The following SND1 variants were observed in gnomAD, a reference collection of about 807,000 sequenced individuals.
The protein encoded by SND1 is staphylococcal nuclease domain-containing protein 1.
In SND1, 38 loss-of-function variants were observed where a neutral mutation model predicts 121.7. The ratio of observed to expected loss-of-function variants is 0.31; its 90% CI spans 0.24 to 0.41. SND1 has a LOEUF of 0.41. Among genes scored for constraint, SND1 ranks in the 10% least tolerant of loss-of-function variants. SND1 has a pLI of 1.00. For missense variants in SND1, 868 were observed against 1,184.6 expected (o/e 0.73, Z 3.92); for synonymous variants, 401 against 447.4 (o/e 0.90, Z 1.31).
In SND1 at chr7:128,085,063, C is replaced by T. The variant is rs1187791929; in HGVS notation, c.2234+216C>T. On this transcript the variant is annotated intron_variant, in intron 19 of 23. Coordinates refer to ENST00000354725, the MANE Select transcript of SND1 (RefSeq NM_014390.4). This position sits in a 1 kb window ranked among gnomAD's most constrained non-coding sequence, Gnocchi z 4.4. ...CAGTCCAGCCAGACAGAAGTGGCTC[C>T]TTCCTTGTCTCCTGGGGGATTCCAG... Among the ~76,000 whole-genome samples, 4 of 152,174 alleles carry T rather than the reference C, an allele frequency of 2.6e-5. No homozygotes were observed. The highest frequency in any genetic ancestry group is 9.6e-5 in the African/African-American group (4 of 41,460).
intron 11 of SND1, among the ~76,000 whole-genome samples, chr7:127,818,784 C>G (rs952459108): frequency 6.6e-6 from 1 of 152,016 alleles, no homozygotes; most frequent in African/African-American, 2.4e-5. Flanking sequence ...CTTTTAACCA[C>G]CATTTATTTA....
chr7:128,044,564 G>GA (rs375743025), intron 16 of SND1, among the ~76,000 whole-genome samples: 1 of 151,562 alleles, frequency 6.6e-6, no homozygotes, highest in Non-Finnish European at 1.5e-5. Context: ...TTACAATAAA[G>GA]AAAAAAATCA....
At chr7:127,712,098 T>A (rs1796308226) in intron 9 of SND1, among the ~76,000 whole-genome samples, 1 of 152,136 alleles carries the variant, frequency 6.6e-6, no homozygotes. Context: ...TATTTGAGAA[T>A]AAGATATTAA....
intron 15 of SND1, among the ~76,000 whole-genome samples, chr7:127,939,115 A>T (rs1671950334): frequency 1.3e-5 from 2 of 152,246 alleles, no homozygotes; most frequent in Admixed American, 1.3e-4. Context: ...AACTGCTGTC[A>T]AAAAGGCTGT....
At position 128,056,712 on chromosome 7, in the gene SND1, A is replaced by T. The variant is rs556036730; in HGVS notation, c.1780-17790A>T. 4.6e-5 allele frequency among the ~76,000 whole-genome samples: 7 copies of T among 152,334 alleles called. No homozygotes were observed. In the East Asian group the frequency reaches 1.3e-3, roughly 29 times the overall value. ...CAGTAGTCCCCCCTTATCCACAGGG[A>T]ATACATTCCAGGACCCTCAGTGGAT... On this transcript the variant is annotated intron_variant, in intron 16 of 23. Coordinates refer to ENST00000354725, the MANE Select transcript of SND1 (RefSeq NM_014390.4).
chr7:127,909,884 G>T (rs1282091639), intron 14 of SND1, among the ~76,000 whole-genome samples: 2 of 152,176 alleles, frequency 1.3e-5, no homozygotes, highest in Non-Finnish European at 1.5e-5. Flanking sequence ...TAATGTGAAG[G>T]ATTGAAGTGT....
intron 16 of SND1, among the ~76,000 whole-genome samples, chr7:128,014,421 A>G (rs1184857597): frequency 6.6e-6 from 1 of 152,214 alleles, no homozygotes; most frequent in Admixed American, 6.5e-5. Flanking sequence ...TAACAGCAAC[A>G]GTGCTGATAA....
At chr7:127,923,030 C>G (rs1800751492) in intron 14 of SND1, among the ~76,000 whole-genome samples, 1 of 152,128 alleles carries the variant, frequency 6.6e-6, no homozygotes, top group East Asian at 1.9e-4. Flanking sequence ...AGAGTGTCAC[C>G]CAGGGTAGAG....
chr7:127,882,384 A>AAGGGAGGG (rs1326253900), intron 12 of SND1, among the ~76,000 whole-genome samples: 6 of 109,110 alleles, frequency 5.5e-5, no homozygotes, highest in African/African-American at 2.1e-4. Context: ...GGGAGGGAGG[A>AAGGGAGGG]AGGGAGGGAG....
intron 12 of SND1, among the ~76,000 whole-genome samples, chr7:127,859,505 T>A (rs1241230981): frequency 6.6e-6 from 1 of 152,058 alleles, no homozygotes; most frequent in Non-Finnish European, 1.5e-5. Context: ...ATTCTCAGGG[T>A]CGTGTTCTTT....
At chr7:127,665,087 T>C (rs1795389444) in intron 1 of SND1, among the ~76,000 whole-genome samples, 1 of 152,194 alleles carries the variant, frequency 6.6e-6, no homozygotes, top group Admixed American at 6.5e-5. Context: ...AATCCTGGTA[T>C]TGGTTTACCC....
At chr7:127,784,080 C>T (rs938003330) in intron 10 of SND1, among the ~76,000 whole-genome samples, 25 of 152,254 alleles carry the variant, frequency 1.6e-4, no homozygotes, top group Middle Eastern at 6.8e-3. Flanking sequence ...GTGATAGGTG[C>T]TTTGTATGTA....
rs527811246 is a variant in SND1 at position 128,004,723 on chromosome 7, T to C, written c.1779+13667T>C. 2.6e-5 allele frequency among the ~76,000 whole-genome samples: 4 copies of C among 152,362 alleles called. No homozygotes were observed. In the East Asian group the frequency reaches 5.8e-4, roughly 22 times the overall value. On this transcript the variant is annotated intron_variant, in intron 16 of 23. Transcript: ENST00000354725. ...ACATCAGATGTTCATCTTTGTGTTA[T>C]GGGTTGTTATCCCCAGCCATCATAA...
chr7:127,890,135 A>C (rs1277794337), intron 13 of SND1, among the ~76,000 whole-genome samples: 1 of 152,058 alleles, frequency 6.6e-6, no homozygotes, highest in Non-Finnish European at 1.5e-5. Flanking sequence ...ACTAATTTAT[A>C]TTCCCACCAG....
At chr7:127,908,790 C>G (rs560447783) in intron 14 of SND1, among the ~76,000 whole-genome samples, 24 of 152,270 alleles carry the variant, frequency 1.6e-4, no homozygotes, top group African/African-American at 5.5e-4. Context: ...GGTTTCTCAG[C>G]TGTTCTTTAT....
At position 127,721,751 on chromosome 7, in the gene SND1, T is replaced by G. The variant is rs181074182; in HGVS notation, c.1152+351T>G. On this transcript the variant is annotated intron_variant, in intron 10 of 23. Coordinates refer to ENST00000354725, the MANE Select transcript of SND1 (RefSeq NM_014390.4). ...AGGAGAGGAGAAGGTCTGTATCTCG[T>G]GTACATTGTAATAGGACCCGTTTCT... Among the ~76,000 whole-genome samples the G allele has an allele frequency of 8.2e-3, 1,245 of 152,340 alleles. 8 individuals carry two copies. The highest frequency in any genetic ancestry group is 0.012 in the Non-Finnish European group (832 of 68,038).
chr7:127,931,233 AAAT>A (rs1341114917), intron 15 of SND1, among the ~76,000 whole-genome samples: 1 of 152,204 alleles, frequency 6.6e-6, no homozygotes, highest in Admixed American at 6.5e-5. Flanking sequence ...CCCTGTCTCA[AAAT>A]AGAAAAGAAA....
chr7:127,881,767 C>T (rs1214734402), intron 12 of SND1, among the ~76,000 whole-genome samples: 2 of 152,058 alleles, frequency 1.3e-5, no homozygotes, highest in African/African-American at 4.8e-5. Flanking sequence ...TTGAGACAGT[C>T]TCACTCTGTC....
At chr7:127,836,257 T>A (rs1404409000) in intron 11 of SND1, among the ~76,000 whole-genome samples, 1 of 152,204 alleles carries the variant, frequency 6.6e-6, no homozygotes, top group Non-Finnish European at 1.5e-5. Flanking sequence ...TTTCTAAATG[T>A]GTTTATAAAG....
Sources: allele counts gnomAD v4.1 joint callset (sites outside exome capture counted in the v4.1 genomes callset), GRCh38; gene constraint gnomAD v4.1.1; non-coding constraint Gnocchi (gnomAD v3.1); transcripts MANE v1.5; gene names NCBI Gene and HGNC (gene_info 2026-07-23, HGNC 2026-07-21).